IMMP2L: variants seen among roughly 807,000 people sequenced by gnomAD.
The protein encoded by IMMP2L is inner mitochondrial membrane peptidase subunit 2.
Under a neutral mutation model 19.3 loss-of-function variants are expected in IMMP2L, and 18 were observed. That is an observed-to-expected ratio of 0.93 (90% CI 0.64 to 1.38). The LOEUF (loss-of-function observed/expected upper bound fraction) is 1.38. Ranked by LOEUF, IMMP2L falls within the 40% of genes most tolerant of loss-of-function variation. The pLI is 0.00. For missense variants in IMMP2L, 233 were observed against 218.2 expected, an observed-to-expected ratio of 1.07 and a Z score of -0.43; for synonymous variants, 76 against 73.0, an observed-to-expected ratio of 1.04 and a Z score of -0.21.
intron 4 of IMMP2L, among the ~76,000 whole-genome samples, chr7:110,937,022 G>A (rs766875829): frequency 7.9e-5 from 12 of 152,102 alleles, no homozygotes; most frequent in Non-Finnish European, 1.8e-4. Flanking sequence ...ATGAACAAAC[G>A]GAGGGGAACA....
At chr7:110,912,720 T>G (rs1321565198) in intron 4 of IMMP2L, among the ~76,000 whole-genome samples, 1 of 152,048 alleles carries the variant, frequency 6.6e-6, no homozygotes, top group Non-Finnish European at 1.5e-5. Flanking sequence ...AACACAAAGT[T>G]TGACTAAATG....
chr7:111,288,598 A>C (rs573750716), intron 3 of IMMP2L, among the ~76,000 whole-genome samples: 47 of 152,292 alleles, frequency 3.1e-4, no homozygotes, highest in African/African-American at 1.1e-3. Context: ...CCCCATCAAA[A>C]AGTGGGCGAA....
chr7:111,411,278 C>A (rs1834399148), intron 3 of IMMP2L: 1 of 203,406 alleles, frequency 4.9e-6, no homozygotes, highest in South Asian at 7.2e-5. Context: ...ACAGCCAGAT[C>A]AAATATTTTT....
At chr7:111,223,124 T>C (rs1351671596) in intron 3 of IMMP2L, among the ~76,000 whole-genome samples, 1 of 152,060 alleles carries the variant, frequency 6.6e-6, no homozygotes, top group African/African-American at 2.4e-5. Flanking sequence ...TATATATATT[T>C]ATCAATACAA....
At chr7:111,532,844 G>T (rs1282806179) in intron 1 of IMMP2L, among the ~76,000 whole-genome samples, 1 of 152,162 alleles carries the variant, frequency 6.6e-6, no homozygotes, top group South Asian at 2.1e-4. Context: ...TATGGCAGCT[G>T]CAAGTCCATG....
At chr7:111,106,176 G>A (rs1158767666) in intron 3 of IMMP2L, among the ~76,000 whole-genome samples, 1 of 151,864 alleles carries the variant, frequency 6.6e-6, no homozygotes, top group Non-Finnish European at 1.5e-5. Flanking sequence ...TAAAATGGGA[G>A]GAATACTCAT....
At chr7:111,261,771 CAA>C (rs750615570) in intron 3 of IMMP2L, among the ~76,000 whole-genome samples, 5 of 151,988 alleles carry the variant, frequency 3.3e-5, no homozygotes, top group Non-Finnish European at 5.9e-5. Context: ...AATTCAGAAA[CAA>C]AATGCATTAA....
At chr7:111,429,683 C>G (rs1836438225) in intron 3 of IMMP2L, among the ~76,000 whole-genome samples, 1 of 151,856 alleles carries the variant, frequency 6.6e-6, no homozygotes, top group Non-Finnish European at 1.5e-5. Context: ...GATAAAATAG[C>G]CTGTGTTTCT....
intron 3 of IMMP2L, among the ~76,000 whole-genome samples, chr7:111,113,431 G>C (rs1799478273): frequency 6.6e-6 from 1 of 151,820 alleles, no homozygotes; most frequent in African/African-American, 2.4e-5. Flanking sequence ...CATGTATAAG[G>C]CCCTAGAGAG....
chr7:111,061,233 G>A (rs2129574467), intron 3 of IMMP2L, among the ~76,000 whole-genome samples: 1 of 152,240 alleles, frequency 6.6e-6, no homozygotes, highest in South Asian at 2.1e-4. Flanking sequence ...CTGAAGATAA[G>A]TGGGCACATT....
At chr7:110,970,548 C>G (rs1027803002) in intron 3 of IMMP2L, among the ~76,000 whole-genome samples, 1 of 151,946 alleles carries the variant, frequency 6.6e-6, no homozygotes, top group Non-Finnish European at 1.5e-5. Flanking sequence ...TTTTGTAAAA[C>G]TTGATTTTAA....
intron 5 of IMMP2L, among the ~76,000 whole-genome samples, chr7:110,850,642 C>T (rs1585026616): frequency 6.6e-6 from 1 of 151,728 alleles, no homozygotes; most frequent in Non-Finnish European, 1.5e-5. Context: ...TTTTAGGGCT[C>T]ACCTGTCCTG....
At chr7:111,152,596 G>A (rs540981564) in intron 3 of IMMP2L, among the ~76,000 whole-genome samples, 1 of 152,172 alleles carries the variant, frequency 6.6e-6, no homozygotes, top group East Asian at 1.9e-4. Flanking sequence ...CCTAATAAAT[G>A]AGATTACTTG....
intron 3 of IMMP2L, among the ~76,000 whole-genome samples, chr7:111,094,106 C>CAAAA (rs1563234801): frequency 6.6e-6 from 1 of 152,080 alleles, no homozygotes; most frequent in Non-Finnish European, 1.5e-5. Flanking sequence ...TTTGCTTTCG[C>CAAAA]CATGTGATGG....
chr7:111,296,217 T>C (rs1333410470), intron 3 of IMMP2L, among the ~76,000 whole-genome samples: 2 of 151,854 alleles, frequency 1.3e-5, no homozygotes, highest in African/African-American at 4.8e-5. Context: ...GGCAAAATAA[T>C]CTGAACAGAT....
At position 110,865,411 on chromosome 7, in the gene IMMP2L, C is replaced by T. The variant is rs1807885370; in HGVS notation, c.408+21182G>A. ...CTCCAGTGTTAGCCTTCATTTCGCT[C>T]TTACCAACTACATTTCATCAACATT... On this transcript the variant is annotated intron_variant, in intron 5 of 5. Coordinates refer to ENST00000405709, the MANE Select transcript of IMMP2L (RefSeq NM_032549.4). Among the ~76,000 whole-genome samples the T allele has an allele frequency of 3.9e-5, 6 of 152,070 alleles. 1 individual carries two copies. The South Asian group carries it at 1.2e-3, about 32-fold the overall frequency.
At position 110,904,842 on chromosome 7, in the gene IMMP2L, C is replaced by T. The variant is rs137965892; in HGVS notation, c.306-18147G>A. Among the ~76,000 whole-genome samples the T allele has an allele frequency of 6.5e-3, 994 of 152,210 alleles. 9 individuals carry two copies. Among genetic ancestry groups the T allele is most frequent in the African/African-American group, 0.023 (942 of 41,532 alleles). ...GAGGCCTGTTTTACTTCTTAAGCAC[C>T]GGAACCACATAATTAATATAATCTC... On this transcript the variant is annotated intron_variant, in intron 4 of 5. Coordinates refer to ENST00000405709, the MANE Select transcript of IMMP2L (RefSeq NM_032549.4).
chr7:111,462,282 G>A (rs1840203901), intron 3 of IMMP2L, among the ~76,000 whole-genome samples: 2 of 152,026 alleles, frequency 1.3e-5, no homozygotes, highest in South Asian at 2.1e-4. Context: ...ACAAAGTAAT[G>A]AATAACATGA....
chr7:111,065,562 C>A (rs1041461256), intron 3 of IMMP2L, among the ~76,000 whole-genome samples: 1 of 152,140 alleles, frequency 6.6e-6, no homozygotes, highest in African/African-American at 2.4e-5. Flanking sequence ...AAGGCAGACC[C>A]ACTCTTAATT....
Sources: gnomAD v4.1 joint callset for allele counts (sites outside exome capture counted in the v4.1 genomes callset) on GRCh38, gnomAD v4.1.1 for gene constraint, MANE v1.5 for transcripts, NCBI Gene and HGNC (gene_info 2026-07-23, HGNC 2026-07-21) for gene names.